TNS1: variants seen among roughly 807,000 people sequenced by gnomAD.
TNS1 encodes tensin-1.
Under a neutral mutation model 168.6 loss-of-function variants are expected in TNS1, and 62 were observed. That is an observed-to-expected ratio of 0.37 (90% CI 0.30 to 0.45). TNS1 has a LOEUF of 0.45. Ranked by LOEUF, TNS1 falls within the 20% of genes least tolerant of loss-of-function variation. TNS1 has a pLI of 1.00. For missense variants in TNS1, 2,240 were observed against 2,339.4 expected (o/e 0.96, Z 0.88); for synonymous variants, 934 against 933.2 (o/e 1.00, Z -0.02).
chr2:217,825,781 G>A (rs1447490131), intron 22 of TNS1, among the ~76,000 whole-genome samples: 1 of 152,174 alleles, frequency 6.6e-6, no homozygotes, highest in African/African-American at 2.4e-5. Flanking sequence ...ATTGCATGGA[G>A]GGCCCATGGG....
chr2:218,013,116 C>T (rs1410667947), upstream of TNS1, among the ~76,000 whole-genome samples: 13 of 151,794 alleles, frequency 8.6e-5, no homozygotes, highest in South Asian at 6.3e-4. Flanking sequence ...ATTAGCGGTG[C>T]GTGGTGGCAG....
chr2:217,841,930 G>A, intron 19 of TNS1: 1 of 604,580 alleles, frequency 1.7e-6, no homozygotes, highest in Non-Finnish European at 2.9e-6. Flanking sequence ...TGCACTAGAA[G>A]GACCTGCTAT....
intron 12 of TNS1, among the ~76,000 whole-genome samples, chr2:217,887,534 C>G (rs918798908): frequency 2.0e-5 from 3 of 152,154 alleles, no homozygotes; most frequent in African/African-American, 4.8e-5. Flanking sequence ...TCTCAAACTC[C>G]CAACCTCAGG....
chr2:217,934,078 C>T (rs1956471189), intron 3 of TNS1, among the ~76,000 whole-genome samples: 1 of 152,212 alleles, frequency 6.6e-6, no homozygotes, highest in Non-Finnish European at 1.5e-5. Flanking sequence ...TATGAGGCTA[C>T]TGAACCTTAC....
chr2:217,841,341 G>T (rs1440055833), intron 19 of TNS1: 1 of 938,812 alleles, frequency 1.1e-6, no homozygotes, highest in African/African-American at 1.8e-5. Flanking sequence ...GGAAGGAAGG[G>T]AGGATATGGG....
At chr2:218,006,520 C>T (rs1958658278), upstream of TNS1, among the ~76,000 whole-genome samples, 1 of 152,244 alleles carries the variant, frequency 6.6e-6, no homozygotes, top group Admixed American at 6.5e-5. Context: ...GTCACAGCAT[C>T]TGAAGGTAAC....
At chr2:218,031,249 T>C (rs1392562821) in intron 1 of TNS1, among the ~76,000 whole-genome samples, 2 of 131,938 alleles carry the variant, frequency 1.5e-5, no homozygotes, top group African/African-American at 7.4e-5. Flanking sequence ...CATGTCTGTG[T>C]GTGAGTGTAT....
rs200737049 is a variant in TNS1 at position 217,810,313 on chromosome 2, G to C, written c.5039C>G (p.Thr1680Arg). ...CKLVIPNRDP[T>R]DESKDSSGPA... ...GCCGGAGCTATCTTTCGATTCATCTGTGGGGTCTAAGACAAAAATTCAGTA... is the reference window on the plus strand; with the variant it reads ...GCCGGAGCTATCTTTCGATTCATCTCTGGGGTCTAAGACAAAAATTCAGTA... Residue 1680 changes from threonine to arginine, a missense_variant, in exon 29 of 33, where the codon ACA becomes AGA. Thr to Arg is a moderately conservative substitution (Grantham distance 71). This residue lies in a region of TNS1 where 2,131 missense variants were observed against 2,171.2 expected (regional missense o/e 0.98). Coordinates refer to ENST00000682258, the MANE Select transcript of TNS1 (RefSeq NM_001387777.1). 8.7e-6 allele frequency: 14 copies of C among 1,614,210 alleles called. No individual in the cohort carries two copies. Among genetic ancestry groups the C allele is most frequent in the Non-Finnish European group, 1.2e-5 (14 of 1,180,036 alleles).
At chr2:218,028,317 C>T in intron 1 of TNS1, among the ~76,000 whole-genome samples, 1 of 152,150 alleles carries the variant, frequency 6.6e-6, no homozygotes, top group East Asian at 1.9e-4. Flanking sequence ...CCAGGGGAGA[C>T]CTCTATTTCC....
intron 3 of TNS1, among the ~76,000 whole-genome samples, chr2:217,947,458 A>G (rs759644116): frequency 6.6e-6 from 1 of 151,998 alleles, no homozygotes. Context: ...ATGGCAGGAG[A>G]GCCAGGAGCA....
intron 3 of TNS1, among the ~76,000 whole-genome samples, chr2:217,936,120 C>T (rs191577436): frequency 2.0e-5 from 3 of 152,328 alleles, no homozygotes; most frequent in East Asian, 3.9e-4. Flanking sequence ...CACCAGGCCA[C>T]GTAGAGCCAG....
chr2:217,851,779 C>T (rs1947533154), intron 18 of TNS1, among the ~76,000 whole-genome samples: 1 of 152,190 alleles, frequency 6.6e-6, no homozygotes, highest in Non-Finnish European at 1.5e-5. Context: ...GGGTCCTCTC[C>T]CTGTAGGATG....
intron 32 of TNS1, among the ~76,000 whole-genome samples, chr2:217,805,584 AAC>A (rs1938691347): frequency 3.0e-4 from 1 of 3,362 alleles, no homozygotes; most frequent in Non-Finnish European, 7.0e-4. Context: ...CCACACACAC[AAC>A]ACACACCACC....
intron 18 of TNS1, among the ~76,000 whole-genome samples, chr2:217,856,908 C>A (rs552216856): frequency 1.4e-4 from 22 of 152,234 alleles, no homozygotes; most frequent in Non-Finnish European, 2.5e-4. Context: ...TGGCTTTGTC[C>A]TCTAAGCAAG....
chr2:217,866,887 A>G (rs540147086), intron 18 of TNS1, among the ~76,000 whole-genome samples: 22 of 152,284 alleles, frequency 1.4e-4, no homozygotes, highest in Admixed American at 3.3e-4. Context: ...CTCAGTTCCT[A>G]TTCCCTAGGT....
Position 217,961,639 on chromosome 2 carries a change from G to A in TNS1, c.186+17126C>T, listed in dbSNP as rs144240452. ...GGAATCAAAGGTCACAGCTGAAAAC[G>A]AAAGATGCCAGGACCTGAATGATAC... On this transcript the variant is annotated intron_variant, in intron 3 of 32. Coordinates refer to ENST00000682258, the MANE Select transcript of TNS1 (RefSeq NM_001387777.1). Among the ~76,000 whole-genome samples, 53 of 152,306 alleles carry A rather than the reference G, an allele frequency of 3.5e-4. No homozygotes were observed. In the East Asian group the frequency reaches 3.5e-3, roughly 10 times the overall value.
At chr2:217,828,150 T>A (rs1943882299) in intron 22 of TNS1, among the ~76,000 whole-genome samples, 1 of 152,130 alleles carries the variant, frequency 6.6e-6, no homozygotes, top group South Asian at 2.1e-4. Flanking sequence ...TCCCCAAGCA[T>A]GAGGCTGCGG....
At chr2:217,839,392 T>C (rs936919369) in intron 19 of TNS1, among the ~76,000 whole-genome samples, 2 of 151,952 alleles carry the variant, frequency 1.3e-5, no homozygotes, top group African/African-American at 4.8e-5. Context: ...AGCCCCAGGG[T>C]TCCACACAGG....
intron 18 of TNS1, among the ~76,000 whole-genome samples, chr2:217,875,205 C>T (rs1950106154): frequency 6.6e-6 from 1 of 152,178 alleles, no homozygotes; most frequent in African/African-American, 2.4e-5. Context: ...ACCTTTCTGA[C>T]CCCCAGTGGA....
Sources: allele counts gnomAD v4.1 joint callset (sites outside exome capture counted in the v4.1 genomes callset), GRCh38; gene constraint gnomAD v4.1.1; regional missense constraint gnomAD v4.1.1; transcripts MANE v1.5; gene names NCBI Gene and HGNC (gene_info 2026-07-23, HGNC 2026-07-21).